The following BICC1 variants were observed in gnomAD, a reference collection of about 807,000 sequenced individuals.
The protein encoded by BICC1 is protein bicaudal C homolog 1.
Under a neutral mutation model 111.0 loss-of-function variants are expected in BICC1, and 43 were observed. That is an observed-to-expected ratio of 0.39 (90% CI 0.30 to 0.50). BICC1 has a LOEUF of 0.50. Ranked by LOEUF, BICC1 falls within the 20% of genes least tolerant of loss-of-function variation. BICC1 has a pLI of 0.88. For synonymous variants in BICC1, 467 were observed against 434.4 expected, an observed-to-expected ratio of 1.07 and a Z score of -0.93; for missense variants, 1,091 against 1,203.2, an observed-to-expected ratio of 0.91 and a Z score of 1.38.
chr10:58,575,648 C>T lies in BICC1; in HGVS notation c.191-45207C>T, dbSNP rs551918653. On this transcript the variant is annotated intron_variant, in intron 1 of 20. Coordinates refer to ENST00000373886, the MANE Select transcript of BICC1 (RefSeq NM_001080512.3). ...ATGTTGGGTAGGCTCTCCTTGGACT[C>T]CTGGACTTAACGCGATTTTCCTGCT... Among the ~76,000 whole-genome samples the T allele has an allele frequency of 4.6e-5, 7 of 151,818 alleles. No homozygotes were observed. The East Asian group carries it at 1.2e-3, about 25-fold the overall frequency.
chr10:58,658,599 T>G (rs550988635), intron 2 of BICC1, among the ~76,000 whole-genome samples: 1 of 152,170 alleles, frequency 6.6e-6, no homozygotes, highest in South Asian at 2.1e-4. Context: ...CGCTCTTTTA[T>G]TCCCTGTTTA....
At chr10:58,701,466 T>A (rs1840233379) in intron 2 of BICC1, among the ~76,000 whole-genome samples, 1 of 152,130 alleles carries the variant, frequency 6.6e-6, no homozygotes, top group Non-Finnish European at 1.5e-5. Context: ...TCCTAGACAG[T>A]GTTAGCTGCA....
At chr10:58,550,164 C>T (rs1482567226) in intron 1 of BICC1, among the ~76,000 whole-genome samples, 5 of 151,900 alleles carry the variant, frequency 3.3e-5, no homozygotes, top group Non-Finnish European at 5.9e-5. Flanking sequence ...ACAGGCAGTG[C>T]CACCATACTC....
At chr10:58,751,996 A>G (rs1294129360) in intron 3 of BICC1, among the ~76,000 whole-genome samples, 1 of 152,174 alleles carries the variant, frequency 6.6e-6, no homozygotes, top group Non-Finnish European at 1.5e-5. Flanking sequence ...AACCTTCTCT[A>G]CATTATACCT....
At chr10:58,803,425 A>G (rs1306134511) in intron 15 of BICC1, among the ~76,000 whole-genome samples, 183 bp downstream of exon 15, 5 of 152,178 alleles carry the variant, frequency 3.3e-5, no homozygotes, top group Admixed American at 6.5e-5. Flanking sequence ...GAAAAGCAGT[A>G]TTTACCTTAA....
intron 20 of BICC1, chr10:58,823,683 TTTC>T (rs1844315731): frequency 1.0e-6 from 1 of 984,624 alleles, no homozygotes; most frequent in African/African-American, 1.8e-5. Flanking sequence ...ATTCCTTTTT[TTTC>T]TTTGCTGTAA....
intron 1 of BICC1, among the ~76,000 whole-genome samples, chr10:58,606,070 A>G (rs1250939469): frequency 1.3e-5 from 2 of 151,516 alleles, no homozygotes; most frequent in African/African-American, 4.9e-5. Context: ...TTTTTCCCTG[A>G]CAACTTTCCT....
chr10:58,684,044 G>A (rs938029215), intron 2 of BICC1, among the ~76,000 whole-genome samples: 1 of 152,114 alleles, frequency 6.6e-6, no homozygotes, highest in Non-Finnish European at 1.5e-5. Flanking sequence ...TTTGAGATAC[G>A]TTCCACCAAT....
intron 2 of BICC1, among the ~76,000 whole-genome samples, chr10:58,635,759 T>C (rs1837934579): frequency 1.3e-5 from 2 of 152,324 alleles, no homozygotes; most frequent in South Asian, 4.1e-4. Flanking sequence ...TGTCAACCAG[T>C]GGTATCCCCA....
chr10:58,769,070 A>G (rs901623120), intron 3 of BICC1, among the ~76,000 whole-genome samples: 2 of 152,066 alleles, frequency 1.3e-5, no homozygotes, highest in Non-Finnish European at 2.9e-5. Context: ...TATAACTTAT[A>G]TGTCAAATCT....
chr10:58,649,547 A>T (rs1425526639), intron 2 of BICC1, among the ~76,000 whole-genome samples: 4 of 152,050 alleles, frequency 2.6e-5, no homozygotes, highest in Admixed American at 2.0e-4. Flanking sequence ...GGTGTCTTTT[A>T]AAAAAAACTC....
At chr10:58,820,614 G>A in intron 20 of BICC1, 146 bp downstream of exon 20, 1 of 601,444 alleles carries the variant, frequency 1.7e-6, no homozygotes, top group Admixed American at 2.5e-5. Flanking sequence ...TGTCAACAGT[G>A]TGACAGATCC....
chr10:58,679,265 T>A (rs538361242), intron 2 of BICC1, among the ~76,000 whole-genome samples: 21 of 151,934 alleles, frequency 1.4e-4, no homozygotes, highest in African/African-American at 3.1e-4. Flanking sequence ...TTTGAAAAGA[T>A]CAACAAAATA....
At chr10:58,784,698 A>T (rs1589135278) in intron 3 of BICC1, among the ~76,000 whole-genome samples, 1 of 148,650 alleles carries the variant, frequency 6.7e-6, no homozygotes. Flanking sequence ...ATAAAAAAAA[A>T]TTATATGATA....
chr10:58,611,304 A>T (rs2132106979), intron 1 of BICC1, among the ~76,000 whole-genome samples: 1 of 152,326 alleles, frequency 6.6e-6, no homozygotes, highest in African/African-American at 2.4e-5. Context: ...CTACCACTCA[A>T]ATAACAAGTG....
chr10:58,803,532 C>T (rs1843619127), intron 15 of BICC1, among the ~76,000 whole-genome samples: 1 of 152,124 alleles, frequency 6.6e-6, no homozygotes, highest in African/African-American at 2.4e-5. Context: ...AAAAAATTTT[C>T]AGATGAGTTT....
At chr10:58,601,140 T>TAATATATATATATA (rs1554810885) in intron 1 of BICC1, among the ~76,000 whole-genome samples, 5,585 of 100,094 alleles carry the variant, frequency 0.056, 545 homozygotes, top group Admixed American at 0.074. Context: ...ATTTTAAAAC[T>TAATATATATATATA]TATATATATA....
intron 1 of BICC1, among the ~76,000 whole-genome samples, chr10:58,606,333 C>A (rs1845211841): frequency 6.7e-6 from 1 of 148,540 alleles, no homozygotes; most frequent in African/African-American, 2.5e-5. Context: ...ACTTAGCGTG[C>A]CTGAAAATTT....
intron 1 of BICC1, among the ~76,000 whole-genome samples, chr10:58,590,511 T>C (rs1012847091): frequency 6.6e-6 from 1 of 152,216 alleles, no homozygotes; most frequent in Non-Finnish European, 1.5e-5. Flanking sequence ...TTCCAGTTAG[T>C]GCCAAGAAAT....
Sources: gnomAD v4.1 joint callset for allele counts (sites outside exome capture counted in the v4.1 genomes callset) on GRCh38, gnomAD v4.1.1 for gene constraint, MANE v1.5 for transcripts, NCBI Gene and HGNC (gene_info 2026-07-23, HGNC 2026-07-21) for gene names.